TMEFF1: variants seen among roughly 807,000 people sequenced by gnomAD.
TMEFF1 encodes the protein transmembrane protein with EGF like and two follistatin like domains 1, also known as tomoregulin-1.
TMEFF1 carries 20 observed loss-of-function variants against 47.5 expected under a neutral mutation model. That is an observed-to-expected ratio of 0.42 (90% CI 0.30 to 0.61). The LOEUF is 0.61. TMEFF1 is among the 20% of genes least tolerant of loss of function. The pLI, the probability that TMEFF1 is intolerant of heterozygous loss-of-function variation, is 0.19. For synonymous variants in TMEFF1, 162 were observed against 166.3 expected (o/e 0.97, Z 0.20); for missense variants, 411 against 471.1 (o/e 0.87, Z 1.18).
At chr9:100,504,166 G>C (rs1048869665) in intron 2 of TMEFF1, among the ~76,000 whole-genome samples, 5 of 152,168 alleles carry the variant, frequency 3.3e-5, no homozygotes, top group African/African-American at 1.2e-4. Context: ...GCAATATAGA[G>C]GAGCAGACTT....
intron 2 of TMEFF1, among the ~76,000 whole-genome samples, chr9:100,502,487 G>A (rs1281183509): frequency 6.6e-6 from 1 of 151,952 alleles, no homozygotes; most frequent in Non-Finnish European, 1.5e-5. Flanking sequence ...AGCCTCCTGA[G>A]TAGCTGGGAC....
intron 2 of TMEFF1, among the ~76,000 whole-genome samples, chr9:100,508,738 A>G (rs1837908526): frequency 6.6e-6 from 1 of 152,026 alleles, no homozygotes. Flanking sequence ...TCCTCTTATT[A>G]CCTTGGTGGT....
At chr9:100,534,158 G>T (rs559075585) in intron 5 of TMEFF1, among the ~76,000 whole-genome samples, 1 of 152,252 alleles carries the variant, frequency 6.6e-6, no homozygotes, top group South Asian at 2.1e-4. Context: ...GTTAGAAGTG[G>T]ATGTGGTAGA....
chr9:100,500,104 A>G (rs999985070), intron 2 of TMEFF1, among the ~76,000 whole-genome samples: 24 of 152,314 alleles, frequency 1.6e-4, no homozygotes, highest in Admixed American at 8.5e-4. Context: ...TCTGCATAGC[A>G]TGGAAGGTGA....
chr9:100,543,364 T>C (rs1838669192), intron 5 of TMEFF1, among the ~76,000 whole-genome samples: 1 of 152,232 alleles, frequency 6.6e-6, no homozygotes, highest in African/African-American at 2.4e-5. Context: ...ATTGCATTTC[T>C]TATATCTAGT....
intron 1 of TMEFF1, among the ~76,000 whole-genome samples, chr9:100,492,227 A>T (rs897876487): frequency 2.6e-5 from 4 of 152,184 alleles, no homozygotes; most frequent in African/African-American, 9.6e-5. Context: ...ATTGATAACA[A>T]ACTCCAGTTT....
rs1409299101 is a variant in TMEFF1, at chr9:100,532,162, A to T, written c.560+15391A>T. ...CCTAGAAGAAAACCTAGGCATTACC[A>T]TTCAGGACATAGGCATGGGCAAGGA... On this transcript the variant is annotated intron_variant, in intron 5 of 9. Coordinates refer to ENST00000374879, the MANE Select transcript of TMEFF1 (RefSeq NM_003692.5). 2.6e-5 allele frequency among the ~76,000 whole-genome samples: 4 copies of T among 152,056 alleles called. No homozygotes were observed. The South Asian group carries it at 8.3e-4, about 32-fold the overall frequency.
At chr9:100,566,816 T>C (rs1839135485) in intron 8 of TMEFF1, among the ~76,000 whole-genome samples, 1 of 152,122 alleles carries the variant, frequency 6.6e-6, no homozygotes, top group Non-Finnish European at 1.5e-5. Flanking sequence ...ATGATTCTCA[T>C]GCCTCAGCCT....
intron 1 of TMEFF1, among the ~76,000 whole-genome samples, chr9:100,482,204 CT>C (rs1166652752): frequency 1.3e-4 from 19 of 146,830 alleles, no homozygotes; most frequent in East Asian, 2.0e-4. Flanking sequence ...TCTTTCTTTT[CT>C]TTTTTTTTTG....
chr9:100,531,046 C>G (rs1838367005), intron 5 of TMEFF1, among the ~76,000 whole-genome samples: 1 of 151,490 alleles, frequency 6.6e-6, no homozygotes, highest in Admixed American at 6.6e-5. Flanking sequence ...ACCCTTCATG[C>G]TAAAAACTCT....
intron 1 of TMEFF1, among the ~76,000 whole-genome samples, chr9:100,484,443 C>T (rs534656495): frequency 8.1e-4 from 123 of 151,940 alleles, no homozygotes; most frequent in Middle Eastern, 3.4e-3. Context: ...CTCAGACTCT[C>T]GAATAGCTGG....
intron 5 of TMEFF1, among the ~76,000 whole-genome samples, chr9:100,527,995 C>T (rs929479788): frequency 2.6e-4 from 40 of 152,152 alleles, no homozygotes; most frequent in Admixed American, 6.5e-4. Flanking sequence ...ACACCTCACA[C>T]GGCAGGGTAT....
intron 5 of TMEFF1, among the ~76,000 whole-genome samples, chr9:100,518,750 T>C (rs1340385478): frequency 6.6e-6 from 1 of 152,202 alleles, no homozygotes; most frequent in Non-Finnish European, 1.5e-5. Flanking sequence ...TGGTTATTTT[T>C]TTTTAACTTT....
rs535109740 is a variant in TMEFF1, at chr9:100,574,805, C to T, written c.1059-1711C>T. 2.0e-4 allele frequency among the ~76,000 whole-genome samples: 31 copies of T among 152,270 alleles called. No homozygotes were observed. The East Asian group carries it at 6.0e-3, about 29-fold the overall frequency. On this transcript the variant is annotated intron_variant, in intron 9 of 9. Coordinates refer to ENST00000374879, the MANE Select transcript of TMEFF1 (RefSeq NM_003692.5). ...GTCTAAGGTCCTAGAGCTAGGAAAG[C>T]CCCCTTACAACAGTCTTTTACCCAA...
chr9:100,575,321 T>A (rs1025143598), intron 9 of TMEFF1, among the ~76,000 whole-genome samples: 1 of 152,134 alleles, frequency 6.6e-6, no homozygotes, highest in South Asian at 2.1e-4. Flanking sequence ...ATTTTCAGAC[T>A]CATAGAATGA....
chr9:100,531,319 A>C (rs1417466673), intron 5 of TMEFF1, among the ~76,000 whole-genome samples: 7 of 152,322 alleles, frequency 4.6e-5, no homozygotes, highest in Non-Finnish European at 7.3e-5. Context: ...AGACGACATG[A>C]TTGTATATCT....
chr9:100,511,238 A>C (rs980145259), intron 3 of TMEFF1, among the ~76,000 whole-genome samples: 4 of 152,230 alleles, frequency 2.6e-5, no homozygotes, highest in Non-Finnish European at 5.9e-5. Context: ...TTCCAGTCTC[A>C]AATTATGTTT....
chr9:100,495,393 G>GT (rs1288667704), intron 1 of TMEFF1, among the ~76,000 whole-genome samples: 3 of 152,076 alleles, frequency 2.0e-5, no homozygotes, highest in African/African-American at 7.2e-5. Context: ...TACAAGTCTT[G>GT]TTTTTTCTGA....
chr9:100,550,173 G>A lies in TMEFF1; in HGVS notation c.775+13G>A. ...CCAGATGTGAAAGGTACTGAATCAT[G>A]CATCTCCAAATTTTGGCCAGCTATG... is the stretch of plus-strand genomic sequence containing the variant. On this transcript the variant is annotated intron_variant, in intron 7 of 9. Coordinates refer to ENST00000374879, the MANE Select transcript of TMEFF1 (RefSeq NM_003692.5). 1 of 1,605,590 alleles carries A rather than the reference G, an allele frequency of 6.2e-7. No homozygotes were observed. Among genetic ancestry groups the A allele is most frequent in the South Asian group, 1.1e-5 (1 of 89,024 alleles).
Sources: allele counts gnomAD v4.1 joint callset (sites outside exome capture counted in the v4.1 genomes callset), GRCh38; gene constraint gnomAD v4.1.1; transcripts MANE v1.5; gene names NCBI Gene and HGNC (gene_info 2026-07-23, HGNC 2026-07-21).